Variants in IQCH observed in about 807,000 individuals in gnomAD.
IQCH encodes the protein IQ motif containing H.
In IQCH, 98 loss-of-function variants were observed where a neutral mutation model predicts 117.0. The ratio of observed to expected loss-of-function variants is 0.84; its 90% CI spans 0.71 to 0.99. The LOEUF (loss-of-function observed/expected upper bound fraction) is 0.99. Among genes scored for constraint, IQCH ranks in the 50% least tolerant of loss-of-function variants. The pLI is 0.00. For synonymous variants in IQCH, 412 were observed against 448.2 expected (o/e 0.92, Z 1.02); for missense variants, 1,102 against 1,243.8 (o/e 0.89, Z 1.72).
intron 3 of IQCH, among the ~76,000 whole-genome samples, chr15:67,271,557 A>T (rs751928090): frequency 2.6e-5 from 4 of 152,126 alleles, no homozygotes; most frequent in Non-Finnish European, 5.9e-5. Flanking sequence ...GGTTTTTCTT[A>T]GATAGGAAAC....
intron 1 of IQCH, among the ~76,000 whole-genome samples, chr15:67,257,864 A>C (rs918624863): frequency 1.3e-5 from 2 of 152,234 alleles, no homozygotes; most frequent in Non-Finnish European, 2.9e-5. Flanking sequence ...GAAATATGGG[A>C]GCTCAATTGA....
chr15:67,367,061 A>G (rs1192353130), intron 8 of IQCH, among the ~76,000 whole-genome samples: 1 of 152,136 alleles, frequency 6.6e-6, no homozygotes, highest in Non-Finnish European at 1.5e-5. Flanking sequence ...CAAAATTAGA[A>G]GTGCCCTGAG....
chr15:67,279,580 G>A, intron 4 of IQCH, 68 bp downstream of exon 4: 1 of 804,644 alleles, frequency 1.2e-6, no homozygotes, highest in Non-Finnish European at 2.1e-6. Flanking sequence ...GAGGAGCAGA[G>A]ACTAGGAGTG....
At position 67,371,648 on chromosome 15, in the gene IQCH, A is replaced by G. The variant is rs1323457833; in HGVS notation, c.754-463A>G. On this transcript the variant is annotated intron_variant, in intron 8 of 20. Transcript: ENST00000335894. Reference sequence around the variant, plus strand: ...ATGATCTTTTATGAAGTCAGAAACAATTTTTAACGGGCACATTTGAAGTTA... The same window carrying G: ...ATGATCTTTTATGAAGTCAGAAACAGTTTTTAACGGGCACATTTGAAGTTA... 11 of 642,944 alleles carry G rather than the reference A, an allele frequency of 1.7e-5. No individual in the cohort carries two copies. In the Admixed American group the frequency reaches 2.3e-4, roughly 14 times the overall value. 39.8% of individuals were successfully genotyped at this position (642,944 alleles called of 1,614,324 possible).
At chr15:67,327,115 A>G (rs2140624635) in intron 4 of IQCH, among the ~76,000 whole-genome samples, 1 of 152,330 alleles carries the variant, frequency 6.6e-6, no homozygotes, top group East Asian at 1.9e-4. Context: ...AAAGAGAAGT[A>G]TAATTCAATT....
chr15:67,303,767 A>G (rs1330739076), intron 4 of IQCH, among the ~76,000 whole-genome samples: 1 of 152,184 alleles, frequency 6.6e-6, no homozygotes, highest in African/African-American at 2.4e-5. Context: ...GAATTATTTA[A>G]AATGAGGAAT....
chr15:67,272,385 A>T (rs1339330195), intron 3 of IQCH, among the ~76,000 whole-genome samples: 1 of 152,234 alleles, frequency 6.6e-6, no homozygotes, highest in Non-Finnish European at 1.5e-5. Flanking sequence ...CTGATAAAAA[A>T]GAATGTGTAT....
At position 67,491,059 on chromosome 15, in the gene IQCH, A is replaced by G. The variant is rs77338762; in HGVS notation, c.2861+995A>G. The stretch of plus-strand genomic sequence containing the variant: ...TATTTCTCTTCCTTGTAACCTCTAC[A>G]GCAGTGTAGACATTGTGGCCTCACA... On this transcript the variant is annotated intron_variant, in intron 19 of 20. Transcript: ENST00000335894. The surrounding 1 kb of genome is among the most constrained non-coding windows in gnomAD (Gnocchi z 4.9). Among the ~76,000 whole-genome samples the G allele has an allele frequency of 8.5e-3, 1,296 of 152,336 alleles. 13 individuals carry two copies. Among genetic ancestry groups the G allele is most frequent in the Middle Eastern group, 0.02 (6 of 294 alleles).
intron 18 of IQCH, among the ~76,000 whole-genome samples, chr15:67,480,552 T>C (rs2083314857): frequency 6.6e-6 from 1 of 152,162 alleles, no homozygotes; most frequent in Non-Finnish European, 1.5e-5. Context: ...TTTGTTGAAT[T>C]ACTGCAACAT....
At chr15:67,318,465 A>AC (rs1294797149) in intron 4 of IQCH, among the ~76,000 whole-genome samples, 1 of 152,224 alleles carries the variant, frequency 6.6e-6, no homozygotes, top group Non-Finnish European at 1.5e-5. Context: ...AGTTCTTCCC[A>AC]CATTAATCTT....
At chr15:67,320,336 T>G (rs1020074515) in intron 4 of IQCH, among the ~76,000 whole-genome samples, 1 of 152,224 alleles carries the variant, frequency 6.6e-6, no homozygotes, top group African/African-American at 2.4e-5. Context: ...ATAATTATAA[T>G]AAATGATAAA....
chr15:67,332,027 A>G (rs1460246474), intron 4 of IQCH, among the ~76,000 whole-genome samples: 1 of 152,214 alleles, frequency 6.6e-6, no homozygotes, highest in East Asian at 1.9e-4. Flanking sequence ...CTATTCTAAA[A>G]GGAACCAAGT....
At chr15:67,471,537 A>C (rs1006987781) in intron 17 of IQCH, among the ~76,000 whole-genome samples, 13 of 152,238 alleles carry the variant, frequency 8.5e-5, no homozygotes, top group Non-Finnish European at 1.5e-4. Context: ...GAGCTGCCCA[A>C]GTCATAAAGG....
At chr15:67,282,411 G>A (rs547515871) in intron 4 of IQCH, among the ~76,000 whole-genome samples, 1 of 151,450 alleles carries the variant, frequency 6.6e-6, no homozygotes, top group South Asian at 2.1e-4. Flanking sequence ...TCTGAATCCT[G>A]GCTAATGTTC....
At chr15:67,362,633 A>G (rs1349858956) in intron 8 of IQCH, among the ~76,000 whole-genome samples, 2 of 152,140 alleles carry the variant, frequency 1.3e-5, no homozygotes, top group Admixed American at 6.5e-5. Flanking sequence ...AGGAGATTGG[A>G]TCAAATCAGT....
chr15:67,294,515 A>G (rs185734188), intron 4 of IQCH, among the ~76,000 whole-genome samples: 1 of 152,270 alleles, frequency 6.6e-6, no homozygotes, highest in African/African-American at 2.4e-5. Flanking sequence ...TGCTTTTCTA[A>G]TAAAGGGGAT....
At chr15:67,471,946 G>C (rs2083080340) in intron 17 of IQCH, among the ~76,000 whole-genome samples, 2 of 152,174 alleles carry the variant, frequency 1.3e-5, no homozygotes, top group Non-Finnish European at 2.9e-5. Flanking sequence ...CCAAGCATCA[G>C]GAGACAAAGA....
intron 5 of IQCH, among the ~76,000 whole-genome samples, chr15:67,340,426 C>CAAAAAAAAAAAAAAAAAAAAAAAAAA (rs57244130): frequency 4.8e-5 from 3 of 62,664 alleles, no homozygotes; most frequent in African/African-American, 6.5e-5. Flanking sequence ...TACTCCATCT[C>CAAAAAAAAAAAAAAAAAAAAAAAAAA]AAAAAAAAAA....
intron 16 of IQCH, among the ~76,000 whole-genome samples, chr15:67,448,028 A>C (rs1007548226): frequency 6.6e-6 from 1 of 152,182 alleles, no homozygotes; most frequent in Non-Finnish European, 1.5e-5. Context: ...ACTAATACCT[A>C]TAATAAACTC....
Sources: gnomAD v4.1 joint callset for allele counts (sites outside exome capture counted in the v4.1 genomes callset) on GRCh38, gnomAD v4.1.1 for gene constraint, Gnocchi (gnomAD v3.1) non-coding constraint, MANE v1.5 for transcripts, NCBI Gene and HGNC (gene_info 2026-07-23, HGNC 2026-07-21) for gene names.